DOC2A: variants seen among roughly 807,000 people sequenced by gnomAD.
The protein encoded by DOC2A is double C2 domain alpha.
In DOC2A, 28 loss-of-function variants were observed where a neutral mutation model predicts 40.6. The ratio of observed to expected loss-of-function variants is 0.69; its 90% CI spans 0.51 to 0.95. The LOEUF (loss-of-function observed/expected upper bound fraction) is 0.95. Among genes scored for constraint, DOC2A ranks in the 40% least tolerant of loss-of-function variants. DOC2A has a pLI of 0.00. For missense variants in DOC2A, 474 were observed against 552.5 expected, an observed-to-expected ratio of 0.86 and a Z score of 1.42; for synonymous variants, 241 against 236.9, an observed-to-expected ratio of 1.02 and a Z score of -0.16.
chr16:30,021,575 T>G (rs2070908995), upstream of DOC2A: 1 of 152,194 alleles, frequency 6.6e-6, no homozygotes, highest in Non-Finnish European at 1.5e-5. Context: ...GGACTTCCTC[T>G]GACCAACCCC....
chr16:30,011,836 T>C (rs7191849), upstream of DOC2A: 73,756 of 151,974 alleles, frequency 0.49, 18,289 homozygotes, highest in African/African-American at 0.57. Flanking sequence ...CCAGGGATGG[T>C]ATCTCCTTTG....
chr16:30,015,452 A>G (rs2070845326), upstream of DOC2A, among the ~76,000 whole-genome samples: 2 of 152,078 alleles, frequency 1.3e-5, no homozygotes, highest in African/African-American at 4.8e-5. Context: ...AGTAGCTGGG[A>G]TTACAGGCAC....
chr16:30,006,861 G>A lies in DOC2A; in HGVS notation c.802C>T (p.Leu268=). The A allele has an allele frequency of 6.2e-7, 1 of 1,613,704 alleles. No individual in the cohort carries two copies. The highest frequency in any genetic ancestry group is 1.1e-5 in the South Asian group (1 of 91,066). The change falls in exon 8 of 11, where the codon CTG becomes TTG. Residue 268 remains leucine (L), a synonymous_variant. Coordinates refer to ENST00000350119, the MANE Select transcript of DOC2A (RefSeq NM_003586.3). This position sits in a 1 kb window ranked among gnomAD's most constrained non-coding sequence, Gnocchi z 6.2. The stretch of plus-strand genomic sequence containing the variant: ...GCGCAGCGCAAGATGCCTACCAGCA[G>A]TCCCCGGCGCCGCGAGCTGTAGCTG... ...SLSYSSRRRG[L]LVGILRCAHL... is the part of the protein sequence containing the mutation.
chr16:30,017,583 A>C (rs2070866634), intron 1 of DOC2A, among the ~76,000 whole-genome samples: 1 of 152,184 alleles, frequency 6.6e-6, no homozygotes, highest in Admixed American at 6.5e-5. Context: ...TGGGAGCTAA[A>C]CATTGGGTAC....
At chr16:30,022,079 T>C (rs964684980), upstream of DOC2A, among the ~76,000 whole-genome samples, 2 of 150,884 alleles carry the variant, frequency 1.3e-5, no homozygotes, top group African/African-American at 4.9e-5. Context: ...TGAAACCCCA[T>C]CTCTACTAAA....
rs370608428 is a variant in DOC2A at position 30,006,154 on chromosome 16, C to T, written c.*32G>A. ...CGAAGGTTGGGTACTGGACCCGGCTCGATGGGCCTGTGCCGGGACACTGCT... is the reference window on the plus strand; with the variant it reads ...CGAAGGTTGGGTACTGGACCCGGCTTGATGGGCCTGTGCCGGGACACTGCT... On this transcript the variant is annotated 3_prime_UTR_variant, in exon 11 of 11. Coordinates refer to ENST00000350119, the MANE Select transcript of DOC2A (RefSeq NM_003586.3). This position sits in a 1 kb window ranked among gnomAD's most constrained non-coding sequence, Gnocchi z 6.2. The T allele has an allele frequency of 1.7e-4, 258 of 1,554,472 alleles. No individual in the cohort carries two copies. The highest frequency in any genetic ancestry group is 2.2e-4 in the Non-Finnish European group (251 of 1,148,436).
chr16:30,013,614 A>ATT (rs765064092), upstream of DOC2A: 12 of 144,014 alleles, frequency 8.3e-5, no homozygotes, highest in Non-Finnish European at 9.0e-5. Context: ...AAAAAAAAAA[A>ATT]AAAAAAAAAA....
upstream of DOC2A, among the ~76,000 whole-genome samples, chr16:30,014,503 C>T (rs889594116): frequency 2.1e-4 from 32 of 151,698 alleles, no homozygotes; most frequent in African/African-American, 6.8e-4. Context: ...GGCGTGGAGG[C>T]GGGCAACTGT....
chr16:30,006,822 T>TGGCA lies in DOC2A; in HGVS notation c.837_840dup (p.Met281CysfsTer27). Reference sequence around the variant, plus strand: ...GGGTCCGAGTAACCGTTGACGTCCATGGCAGCCAGATGGGCGCAGCGCAAG... The same window carrying TGGCA: ...GGGTCCGAGTAACCGTTGACGTCCATGGCAGGCAGCCAGATGGGCGCAGCGCAAG... On this transcript the variant is annotated frameshift_variant, in exon 8 of 11. Transcript: ENST00000350119. LOFTEE classifies it high-confidence loss of function. The surrounding 1 kb of genome is among the most constrained non-coding windows in gnomAD (Gnocchi z 6.2). 6.2e-7 allele frequency: 1 copy of TGGCA among 1,613,816 alleles called. No homozygotes were observed. Among genetic ancestry groups the TGGCA allele is most frequent in the Non-Finnish European group, 8.5e-7 (1 of 1,179,932 alleles).
Position 30,010,214 on chromosome 16 carries a change from G to A in DOC2A, c.9C>T (p.Gly3=). 1 of 1,613,798 alleles carries A rather than the reference G, an allele frequency of 6.2e-7. No individual in the cohort carries two copies. Among genetic ancestry groups the A allele is most frequent in the Non-Finnish European group, 8.5e-7 (1 of 1,179,972 alleles). ...TGATGGTCATGCGATCGCCCCTGCG[G>A]CCCCTCATGCAGCACCCCTGGCTAG... The part of the protein sequence containing the change: MR[G]RRGDRMTINI... The change falls in exon 2 of 11, where the codon GGC becomes GGT. Residue 3 remains glycine (G), a synonymous_variant. Transcript: ENST00000350119. The surrounding 1 kb of genome is among the most constrained non-coding windows in gnomAD (Gnocchi z 4.2).
chr16:30,005,647 G>C lies in DOC2A; in HGVS notation c.*539C>G. ...GCCTTCAAACCCCGGCCCCCTCCAG[G>C]GGACAGTTATTTAAACGAGTGGCCG... On this transcript the variant is annotated 3_prime_UTR_variant, in exon 11 of 11. Transcript: ENST00000350119. The C allele has an allele frequency of 1.7e-6, 1 of 591,418 alleles. No individual in the cohort carries two copies. The highest frequency in any genetic ancestry group is 2.9e-6 in the Non-Finnish European group (1 of 340,724). The allele number at this position is 591,418 out of a possible 1,614,324, so 36.6% of individuals were successfully genotyped here.
At chr16:30,014,475 A>G (rs2070834983), upstream of DOC2A, among the ~76,000 whole-genome samples, 2 of 151,268 alleles carry the variant, frequency 1.3e-5, no homozygotes, top group South Asian at 4.2e-4. Flanking sequence ...CTCTACTAAA[A>G]ATACAAAAAA....
Position 30,009,142 on chromosome 16 carries a change from C to T in DOC2A, c.418-37G>A. 6.2e-7 allele frequency: 1 copy of T among 1,608,976 alleles called. No homozygotes were observed. The highest frequency in any genetic ancestry group is 1.7e-4 in the Middle Eastern group (1 of 6,036). On this transcript the variant is annotated intron_variant, in intron 4 of 10. Transcript: ENST00000350119. This position sits in a 1 kb window ranked among gnomAD's most constrained non-coding sequence, Gnocchi z 4.1. ...GGATGAAAGGTTCTCAATACCTGTC[C>T]TCCAGCCCCACAGGCTGGAGTCATG...
At position 30,010,634 on chromosome 16, in the gene DOC2A, C is replaced by G; in HGVS notation, c.-14+269G>C. 1 of 290,382 alleles carries G rather than the reference C, an allele frequency of 3.4e-6. No homozygotes were observed. Among genetic ancestry groups the G allele is most frequent in the East Asian group, 9.5e-5 (1 of 10,570 alleles). 18.0% of individuals were successfully genotyped at this position (290,382 alleles called of 1,614,324 possible). A position where few individuals can be genotyped will look rare whatever the true frequency, so the allele number is the denominator to read the frequency against. The stretch of plus-strand genomic sequence containing the variant: ...AGGCTCTGTCCTCCTCTGCACCAGG[C>G]GCTGGTCTAGTCAGGGTGTCACCCA... On this transcript the variant is annotated intron_variant, in intron 1 of 10. Transcript: ENST00000350119. The surrounding 1 kb of genome is among the most constrained non-coding windows in gnomAD (Gnocchi z 4.2).
upstream of DOC2A, among the ~76,000 whole-genome samples, chr16:30,011,919 A>G (rs1375332573): frequency 6.6e-6 from 1 of 152,022 alleles, no homozygotes; most frequent in African/African-American, 2.4e-5. Context: ...TTGGCTCTGA[A>G]GGTCTCAGAG....
chr16:30,005,855 C>T lies in DOC2A; in HGVS notation c.*331G>A. ...TCTGAACCTCCCCTAATCCGACCTCCTCCCTGTTGGGGGAGAGGGACGGGG... is the reference window on the plus strand; with the variant it reads ...TCTGAACCTCCCCTAATCCGACCTCTTCCCTGTTGGGGGAGAGGGACGGGG... On this transcript the variant is annotated 3_prime_UTR_variant, in exon 11 of 11. Transcript: ENST00000350119. 1 of 481,992 alleles carries T rather than the reference C, an allele frequency of 2.1e-6. No individual in the cohort carries two copies. The highest frequency in any genetic ancestry group is 3.7e-6 in the Non-Finnish European group (1 of 270,894). 29.9% of individuals were successfully genotyped at this position (481,992 alleles called of 1,614,324 possible). A position where few individuals can be genotyped will look rare whatever the true frequency, so the allele number is the denominator to read the frequency against.
chr16:30,023,138 G>A, upstream of DOC2A: 2 of 487,006 alleles, frequency 4.1e-6, no homozygotes, highest in Non-Finnish European at 3.8e-6. Context: ...AAATGCTGGG[G>A]CTGCCACCAT....
Position 30,009,131 on chromosome 16 carries a change from C to A in DOC2A, c.418-26G>T. 6.4e-7 allele frequency: 1 copy of A among 1,566,128 alleles called. No individual in the cohort carries two copies. ...CTGGGATGTGGGGATGAAAGGTTCT[C>A]AATACCTGTCCTCCAGCCCCACAGG... On this transcript the variant is annotated intron_variant, in intron 4 of 10. Coordinates refer to ENST00000350119, the MANE Select transcript of DOC2A (RefSeq NM_003586.3). The surrounding 1 kb of genome is among the most constrained non-coding windows in gnomAD (Gnocchi z 4.1).
chr16:30,019,285 T>C (rs1310788244), intron 1 of DOC2A, among the ~76,000 whole-genome samples: 2 of 152,132 alleles, frequency 1.3e-5, no homozygotes, highest in African/African-American at 2.4e-5. Context: ...GCCACTGCAC[T>C]CCAGCCTGGG....
Sources: allele counts gnomAD v4.1 joint callset (sites outside exome capture counted in the v4.1 genomes callset), GRCh38; gene constraint gnomAD v4.1.1; non-coding constraint Gnocchi (gnomAD v3.1); transcripts MANE v1.5; gene names NCBI Gene and HGNC (gene_info 2026-07-23, HGNC 2026-07-21).